PCDHGA7: variants seen among roughly 807,000 people sequenced by gnomAD.
PCDHGA7 encodes the protein protocadherin gamma-A7.
Under a neutral mutation model 58.3 loss-of-function variants are expected in PCDHGA7, and 44 were observed. That is an observed-to-expected ratio of 0.75 (90% CI 0.59 to 0.97). The LOEUF (loss-of-function observed/expected upper bound fraction) is 0.97, where lower values mean the gene tolerates loss of function less well. PCDHGA7 is among the 50% of genes least tolerant of loss of function. PCDHGA7 has a pLI of 0.00. For synonymous variants in PCDHGA7, 516 were observed against 504.2 expected (o/e 1.02, Z -0.31); for missense variants, 1,266 against 1,188.7 (o/e 1.06, Z -0.96).
At chr5:141,421,967 T>C (rs760789458) in intron 1 of PCDHGA7, 2 of 1,611,174 alleles carry the variant, frequency 1.2e-6, no homozygotes, top group Admixed American at 3.4e-5. Flanking sequence ...ACACAGTCCG[T>C]ATATCGCGTG....
chr5:141,470,911 G>C (rs1208467445), intron 1 of PCDHGA7, among the ~76,000 whole-genome samples: 1 of 151,916 alleles, frequency 6.6e-6, no homozygotes, highest in African/African-American at 2.4e-5. Context: ...AGATGGGACT[G>C]TCCCTATGTT....
rs779686795 is a variant in PCDHGA7, at chr5:141,476,566, G to A, written c.2425-18241G>A. On this transcript the variant is annotated intron_variant, in intron 1 of 3. Coordinates refer to ENST00000518325, the MANE Select transcript of PCDHGA7 (RefSeq NM_018920.4). The surrounding 1 kb of genome is among the most constrained non-coding windows in gnomAD (Gnocchi z 7.6). ...TGGAGATTAGCGAGGCCGTGGCTCC[G>A]GGGACGCGCTTTCCGCTCGAGAGCG... The A allele has an allele frequency of 1.2e-6, 2 of 1,614,062 alleles. No homozygotes were observed. Among genetic ancestry groups the A allele is most frequent in the East Asian group, 2.2e-5 (1 of 44,872 alleles).
chr5:141,421,251 G>C (rs771398829), intron 1 of PCDHGA7: 1 of 1,606,888 alleles, frequency 6.2e-7, no homozygotes, highest in Non-Finnish European at 8.5e-7. Context: ...TACAGCGCGG[G>C]GACCGCAGTC....
intron 1 of PCDHGA7, chr5:141,400,528 A>T (rs764084750): frequency 1.9e-6 from 3 of 1,613,868 alleles, no homozygotes; most frequent in Non-Finnish European, 2.5e-6. Context: ...TGAGTTGGTG[A>T]GTTTCATTTA....
rs1446743849 is a variant in PCDHGA7, at chr5:141,476,288, C to T, written c.2425-18519C>T. The T allele has an allele frequency of 1.3e-5, 21 of 1,613,980 alleles. No individual in the cohort carries two copies. The highest frequency in any genetic ancestry group is 2.2e-5 in the South Asian group (2 of 91,076). On this transcript the variant is annotated intron_variant, in intron 1 of 3. Coordinates refer to ENST00000518325, the MANE Select transcript of PCDHGA7 (RefSeq NM_018920.4). This position sits in a 1 kb window ranked among gnomAD's most constrained non-coding sequence, Gnocchi z 7.6. ...CGTGGTCGCGAACCTTGGTTTGGAT[C>T]TCGGTAGCCTCTCAGCCCGCAGGTT...
Position 141,491,623 on chromosome 5 carries a change from G to T in PCDHGA7, c.2425-3184G>T. 1 of 1,613,930 alleles carries T rather than the reference G, an allele frequency of 6.2e-7. No homozygotes were observed. The highest frequency in any genetic ancestry group is 1.1e-5 in the South Asian group (1 of 91,084). On this transcript the variant is annotated intron_variant, in intron 1 of 3. Transcript: ENST00000518325. This position sits in a 1 kb window ranked among gnomAD's most constrained non-coding sequence, Gnocchi z 6.9. ...CTTCACTTTTCTAAGACCCCTCAGC[G>T]TTCAGCAGCCCACAGCTCTGGCGCT...
chr5:141,453,784 G>T (rs767312144), intron 1 of PCDHGA7, among the ~76,000 whole-genome samples: 47 of 152,298 alleles, frequency 3.1e-4, no homozygotes, highest in Non-Finnish European at 5.6e-4. Flanking sequence ...AGTTACCATG[G>T]TATATTAACT....
rs765743251 is a variant in PCDHGA7 at position 141,476,488 on chromosome 5, G to A, written c.2425-18319G>A. ...TGGAGCTGTTCAGCGTGGAAGTGGTGATCCAGGACATCAACGACAACAATC... is the reference window on the plus strand; with the variant it reads ...TGGAGCTGTTCAGCGTGGAAGTGGTAATCCAGGACATCAACGACAACAATC... On this transcript the variant is annotated intron_variant, in intron 1 of 3. Coordinates refer to ENST00000518325, the MANE Select transcript of PCDHGA7 (RefSeq NM_018920.4). This position sits in a 1 kb window ranked among gnomAD's most constrained non-coding sequence, Gnocchi z 7.6. 4 of 1,613,932 alleles carry A rather than the reference G, an allele frequency of 2.5e-6. No homozygotes were observed. Among genetic ancestry groups the A allele is most frequent in the Non-Finnish European group, 3.4e-6 (4 of 1,180,016 alleles).
In PCDHGA7 at chr5:141,418,047, C is replaced by G. The variant is rs968352679; in HGVS notation, c.2424+32724C>G. The G allele has an allele frequency of 6.2e-6, 10 of 1,613,894 alleles. No individual in the cohort carries two copies. The highest frequency in any genetic ancestry group is 1.6e-4 in the Middle Eastern group (1 of 6,076). ...GGGCTTAGTGTCCTGGATGTGTCGG[C>G]TCGCGAGCTGCGAGTGAGCGCGGAG... On this transcript the variant is annotated intron_variant, in intron 1 of 3. Transcript: ENST00000518325.
At position 141,432,135 on chromosome 5, in the gene PCDHGA7, C is replaced by T; in HGVS notation, c.2424+46812C>T. On this transcript the variant is annotated intron_variant, in intron 1 of 3. Transcript: ENST00000518325. This position sits in a 1 kb window ranked among gnomAD's most constrained non-coding sequence, Gnocchi z 6.0. ...GTCTTCCCTCAGGCCTCCTATTCCGCTTATATCCCAGAGAACAATCCCAGA... is the reference window on the plus strand; with the variant it reads ...GTCTTCCCTCAGGCCTCCTATTCCGTTTATATCCCAGAGAACAATCCCAGA... The T allele has an allele frequency of 6.2e-7, 1 of 1,614,140 alleles. No homozygotes were observed. Among genetic ancestry groups the T allele is most frequent in the Non-Finnish European group, 8.5e-7 (1 of 1,180,026 alleles).
At chr5:141,385,423 A>G in intron 1 of PCDHGA7, 100 bp downstream of exon 1, 4 of 1,462,490 alleles carry the variant, frequency 2.7e-6, no homozygotes, top group Non-Finnish European at 3.6e-6. Context: ...GATTTAAAAA[A>G]CTTTATAGAG....
In PCDHGA7 at chr5:141,487,906, AGCACAGGAGGCTACAGT is replaced by A. The variant is rs2099668744; in HGVS notation, c.2425-6893_2425-6877del. ...TGGAAGCATGATGATGGAATGTGGG[AGCACAGGAGGCTACAGT>A]GCACAGGGTACAGTGCACCAGGCAG... On this transcript the variant is annotated intron_variant, in intron 1 of 3. Coordinates refer to ENST00000518325, the MANE Select transcript of PCDHGA7 (RefSeq NM_018920.4). The surrounding 1 kb of genome is among the most constrained non-coding windows in gnomAD (Gnocchi z 5.0). The A allele has an allele frequency of 8.7e-6, 6 of 686,524 alleles. No homozygotes were observed. The East Asian group carries it at 1.6e-4, about 19-fold the overall frequency. The allele number at this position is 686,524 out of a possible 1,614,324, so 42.5% of individuals were successfully genotyped here.
intron 3 of PCDHGA7, among the ~76,000 whole-genome samples, chr5:141,508,752 C>G (rs2099871515): frequency 6.6e-6 from 1 of 152,028 alleles, no homozygotes. Flanking sequence ...CGCTCTTTCT[C>G]TGGCGCCTCT....
rs762200805 is a variant in PCDHGA7 at position 141,423,045 on chromosome 5, C to T, written c.2424+37722C>T. 8 of 1,614,210 alleles carry T rather than the reference C, an allele frequency of 5.0e-6. No homozygotes were observed. The East Asian group carries it at 1.8e-4, about 36-fold the overall frequency. ...ATTCAGGCCAGAACGCCTGGCTGTCCTATCGCCTGCTTAAGGCCAGCGAGC... is the reference window on the plus strand; with the variant it reads ...ATTCAGGCCAGAACGCCTGGCTGTCTTATCGCCTGCTTAAGGCCAGCGAGC... On this transcript the variant is annotated intron_variant, in intron 1 of 3. Transcript: ENST00000518325.
At chr5:141,459,263 C>T (rs2098964603) in intron 1 of PCDHGA7, among the ~76,000 whole-genome samples, 1 of 152,176 alleles carries the variant, frequency 6.6e-6, no homozygotes, top group South Asian at 2.1e-4. Flanking sequence ...ATTAGTGTTG[C>T]CTCTTTCAGA....
Position 141,455,633 on chromosome 5 carries a change from G to A in PCDHGA7, c.2425-39174G>A, listed in dbSNP as rs1049071525. On this transcript the variant is annotated intron_variant, in intron 1 of 3. Coordinates refer to ENST00000518325, the MANE Select transcript of PCDHGA7 (RefSeq NM_018920.4). ...ATGTTCTAAACACGTGGAGATATGT[G>A]GGGGGCAGCCATGTGGCCAGGAACT... Among the ~76,000 whole-genome samples, 19 of 152,198 alleles carry A rather than the reference G, an allele frequency of 1.2e-4. No homozygotes were observed. In the East Asian group the frequency reaches 3.1e-3, roughly 25 times the overall value.
Position 141,490,140 on chromosome 5 carries a change from G to T in PCDHGA7, c.2425-4667G>T. On this transcript the variant is annotated intron_variant, in intron 1 of 3. Transcript: ENST00000518325. This position sits in a 1 kb window ranked among gnomAD's most constrained non-coding sequence, Gnocchi z 5.4. Reference sequence around the variant, plus strand: ...TCTTTGGCCTAGACCCTAGCAGTGGGGCAATCCATGTGTTGGGTCCCATAG... The same window carrying T: ...TCTTTGGCCTAGACCCTAGCAGTGGTGCAATCCATGTGTTGGGTCCCATAG... 1 of 1,614,206 alleles carries T rather than the reference G, an allele frequency of 6.2e-7. No homozygotes were observed. The highest frequency in any genetic ancestry group is 8.5e-7 in the Non-Finnish European group (1 of 1,180,026).
At chr5:141,439,445 G>A (rs1030957687) in intron 1 of PCDHGA7, among the ~76,000 whole-genome samples, 5 of 152,102 alleles carry the variant, frequency 3.3e-5, no homozygotes, top group African/African-American at 4.8e-5. Flanking sequence ...ATTTTATTGC[G>A]GGAGCAAGAC....
intron 1 of PCDHGA7, chr5:141,385,756 T>A: frequency 5.6e-6 from 1 of 179,052 alleles, no homozygotes; most frequent in Non-Finnish European, 1.1e-5. Flanking sequence ...GATTTTTTTC[T>A]GTGGCTGATT....
Sources: gnomAD v4.1 joint callset for allele counts (sites outside exome capture counted in the v4.1 genomes callset) on GRCh38, gnomAD v4.1.1 for gene constraint, Gnocchi (gnomAD v3.1) non-coding constraint, MANE v1.5 for transcripts, NCBI Gene and HGNC (gene_info 2026-07-23, HGNC 2026-07-21) for gene names.